Variants in WDTC1 observed in about 807,000 individuals in gnomAD.
The protein encoded by WDTC1 is WD and tetratricopeptide repeats 1.
A neutral mutation model predicts 76.0 loss-of-function variants in WDTC1; 12 were observed. That is an observed-to-expected ratio of 0.16 (90% confidence interval 0.10 to 0.26). The LOEUF (loss-of-function observed/expected upper bound fraction) is 0.26. Ranked by LOEUF, WDTC1 falls within the 10% of genes least tolerant of loss-of-function variation. The pLI is 1.00. For synonymous variants in WDTC1, 326 were observed against 350.8 expected (o/e 0.93, Z 0.79); for missense variants, 511 against 908.8 (o/e 0.56, Z 5.63).
In WDTC1 at chr1:27,234,885, G is replaced by C. The variant is rs552381732; in HGVS notation, c.-166G>C. The C allele has an allele frequency of 7.1e-4, 277 of 390,832 alleles. 2 individuals are homozygous for C. Among genetic ancestry groups the C allele is most frequent in the African/African-American group, 5.5e-3 (263 of 48,150 alleles). The allele number at this position is 390,832 out of a possible 1,614,324, so 24.2% of individuals were successfully genotyped here. On this transcript the variant is annotated 5_prime_UTR_variant, in exon 1 of 16. Coordinates refer to ENST00000319394, the MANE Select transcript of WDTC1 (RefSeq NM_001276252.2). The stretch of plus-strand genomic sequence containing the variant: ...CGCCCCCCTTCCCGGGAGAGGGGCC[G>C]CCCCCCCCGGACGGACATGGGCTCC...
Position 27,303,878 on chromosome 1 carries a change from G to C in WDTC1, c.1643+83G>C. ...AGTGTTGGGGCATAATGGTTTCAGA[G>C]AAGAATCTCAAATCCCTGCTCTGCC... is the stretch of plus-strand genomic sequence containing the variant. On this transcript the variant is annotated intron_variant, in intron 14 of 15. Transcript: ENST00000319394. This position sits in a 1 kb window ranked among gnomAD's most constrained non-coding sequence, Gnocchi z 4.8. The C allele has an allele frequency of 1.3e-6, 2 of 1,555,904 alleles. No homozygotes were observed. The highest frequency in any genetic ancestry group is 2.4e-5 in the South Asian group (2 of 85,076).
chr1:27,240,767 G>C (rs2011606730), intron 1 of WDTC1, among the ~76,000 whole-genome samples: 1 of 152,104 alleles, frequency 6.6e-6, no homozygotes. Context: ...ACAAGGTCAG[G>C]AGTTTGAGAC....
At chr1:27,271,582 G>A (rs1441310547) in intron 3 of WDTC1, among the ~76,000 whole-genome samples, 2 of 151,834 alleles carry the variant, frequency 1.3e-5, no homozygotes, top group African/African-American at 2.4e-5. Context: ...GTTGGGAAGT[G>A]GGATGCCAAC....
At chr1:27,247,798 A>G (rs1038145572) in intron 1 of WDTC1, among the ~76,000 whole-genome samples, 2 of 150,298 alleles carry the variant, frequency 1.3e-5, no homozygotes, top group South Asian at 2.1e-4. Context: ...AGCTCACTAC[A>G]ACCTCTGCCT....
At position 27,300,975 on chromosome 1, in the gene WDTC1, A is replaced by AGAGG. The variant is rs200957254; in HGVS notation, c.1233-249_1233-246dup. ...TGTGCAGTTGCACTCTGTGCCCAGC[A>AGAGG]GAGGGCAGCCTGACACCAGCTTTTG... On this transcript the variant is annotated intron_variant, in intron 12 of 15. Transcript: ENST00000319394. Among the ~76,000 whole-genome samples, 19 of 152,326 alleles carry AGAGG rather than the reference A, an allele frequency of 1.2e-4. No homozygotes were observed. In the East Asian group the frequency reaches 3.7e-3, roughly 29 times the overall value.
rs915367310 is a variant in WDTC1, at chr1:27,301,984, A to G, written c.1468+523A>G. Among the ~76,000 whole-genome samples the G allele has an allele frequency of 6.6e-6, 1 of 152,114 alleles. No individual in the cohort carries two copies. Among genetic ancestry groups the G allele is most frequent in the Non-Finnish European group, 1.5e-5 (1 of 68,010 alleles). ...GCCTTGAAGAAAGCACAGCCTCTCT[A>G]CCTACCTGCACAAAGAGCACGAAGC... On this transcript the variant is annotated intron_variant, in intron 13 of 15. Transcript: ENST00000319394. This position sits in a 1 kb window ranked among gnomAD's most constrained non-coding sequence, Gnocchi z 5.8.
At chr1:27,235,929 T>A (rs1357343576) in intron 1 of WDTC1, among the ~76,000 whole-genome samples, 1 of 152,112 alleles carries the variant, frequency 6.6e-6, no homozygotes, top group Admixed American at 6.6e-5. Flanking sequence ...ATGGGGTAGA[T>A]GATCTGGGTA....
chr1:27,293,495 T>A lies in WDTC1; in HGVS notation c.663-527T>A, dbSNP rs1422586794. ...ATCTCTTACATAAATTCCTTATGAT[T>A]TCCTTATATTTATTTATTCTTATAA... On this transcript the variant is annotated intron_variant, in intron 7 of 15. Transcript: ENST00000319394. Among the ~76,000 whole-genome samples, 3 of 151,878 alleles carry A rather than the reference T, an allele frequency of 2.0e-5. No homozygotes were observed. The East Asian group carries it at 5.8e-4, about 29-fold the overall frequency.
chr1:27,240,803 T>G (rs1334606788), intron 1 of WDTC1, among the ~76,000 whole-genome samples: 2 of 151,956 alleles, frequency 1.3e-5, no homozygotes, highest in African/African-American at 2.4e-5. Context: ...GGTGAAACCC[T>G]GTCTCTACTA....
intron 1 of WDTC1, among the ~76,000 whole-genome samples, chr1:27,242,321 T>C (rs77324538): frequency 0.12 from 18,427 of 152,074 alleles, 1,243 homozygotes; most frequent in South Asian, 0.18. Flanking sequence ...AAAATAAAAG[T>C]AGCCAGGCAT....
intron 1 of WDTC1, among the ~76,000 whole-genome samples, chr1:27,255,022 C>G (rs556663087): frequency 6.6e-6 from 1 of 151,846 alleles, no homozygotes; most frequent in Non-Finnish European, 1.5e-5. Context: ...TCCTGCTTGT[C>G]TGGTTTCTCT....
chr1:27,251,796 T>C (rs2012073276), intron 1 of WDTC1, among the ~76,000 whole-genome samples: 1 of 151,820 alleles, frequency 6.6e-6, no homozygotes, highest in Non-Finnish European at 1.5e-5. Flanking sequence ...CACTATATAG[T>C]GGTGATAGAG....
At chr1:27,277,297 G>C (rs2147953941) in intron 3 of WDTC1, among the ~76,000 whole-genome samples, 1 of 152,190 alleles carries the variant, frequency 6.6e-6, no homozygotes, top group East Asian at 1.9e-4. Flanking sequence ...TTTCTTCTAA[G>C]AGTTTTGTAG....
intron 3 of WDTC1, among the ~76,000 whole-genome samples, chr1:27,275,559 A>G (rs1465082633): frequency 6.6e-6 from 1 of 151,546 alleles, no homozygotes; most frequent in East Asian, 1.9e-4. Context: ...CGGAGGTTGC[A>G]GTGAGCCGAG....
At chr1:27,250,429 C>T (rs1338088522) in intron 1 of WDTC1, among the ~76,000 whole-genome samples, 3 of 152,086 alleles carry the variant, frequency 2.0e-5, no homozygotes, top group East Asian at 1.9e-4. Flanking sequence ...GGATTACAGG[C>T]GTGAGCCACC....
intron 1 of WDTC1, among the ~76,000 whole-genome samples, chr1:27,251,001 G>C (rs1048605144): frequency 3.5e-5 from 5 of 141,164 alleles, no homozygotes; most frequent in African/African-American, 1.3e-4. Flanking sequence ...TGAGTAGCTG[G>C]GATTACTGGC....
intron 1 of WDTC1, among the ~76,000 whole-genome samples, chr1:27,236,860 A>G (rs994934815): frequency 1.3e-5 from 2 of 151,924 alleles, no homozygotes; most frequent in African/African-American, 2.4e-5. Context: ...ATTTTTTGAG[A>G]TGGAGTCTTG....
chr1:27,256,381 C>T (rs2012281904), intron 1 of WDTC1, among the ~76,000 whole-genome samples: 1 of 152,198 alleles, frequency 6.6e-6, no homozygotes, highest in African/African-American at 2.4e-5. Context: ...CACATTGTAG[C>T]TGCAAGGGAG....
At chr1:27,248,883 C>T (rs1355479120) in intron 1 of WDTC1, among the ~76,000 whole-genome samples, 1 of 152,172 alleles carries the variant, frequency 6.6e-6, no homozygotes, top group African/African-American at 2.4e-5. Flanking sequence ...TCCCAAACTC[C>T]TGGGCTCAAG....
Sources: gnomAD v4.1 joint callset for allele counts (sites outside exome capture counted in the v4.1 genomes callset) on GRCh38, gnomAD v4.1.1 for gene constraint, Gnocchi (gnomAD v3.1) non-coding constraint, MANE v1.5 for transcripts, NCBI Gene and HGNC (gene_info 2026-07-23, HGNC 2026-07-21) for gene names.